The following CDH2 variants were observed in gnomAD, a reference collection of about 807,000 sequenced individuals.
CDH2 encodes cadherin-2.
CDH2 carries 17 observed loss-of-function variants against 92.0 expected under a neutral mutation model. The ratio of observed to expected loss-of-function variants is 0.18; its 90% confidence interval spans 0.13 to 0.28. CDH2 has a LOEUF of 0.28. Ranked by LOEUF, CDH2 falls within the 10% of genes least tolerant of loss-of-function variation. The pLI is 1.00. For missense variants in CDH2, 862 were observed against 1,133.1 expected (o/e 0.76, Z 3.44); for synonymous variants, 419 against 415.9 (o/e 1.01, Z -0.09).
At chr18:27,963,596 A>T (rs2011465655) in intron 14 of CDH2, 75 bp from the exon 15 acceptor site, 1 of 1,353,470 alleles carries the variant, frequency 7.4e-7, no homozygotes, top group Non-Finnish European at 1.0e-6. Flanking sequence ...CTTTTTAAGC[A>T]CATACTCAGA....
At chr18:28,037,456 T>C (rs888683001) in intron 2 of CDH2, among the ~76,000 whole-genome samples, 1 of 152,154 alleles carries the variant, frequency 6.6e-6, no homozygotes, top group African/African-American at 2.4e-5. Flanking sequence ...CACCATATGC[T>C]AAGGTGTTTG....
chr18:27,954,127 TAAAG>T (rs1417769163), intron 15 of CDH2, among the ~76,000 whole-genome samples: 2 of 152,176 alleles, frequency 1.3e-5, no homozygotes, highest in Non-Finnish European at 2.9e-5. Flanking sequence ...TAAAATAAAA[TAAAG>T]CAGGTTTCAG....
At chr18:28,116,383 T>C (rs1227609358) in intron 2 of CDH2, among the ~76,000 whole-genome samples, 2 of 152,204 alleles carry the variant, frequency 1.3e-5, no homozygotes, top group African/African-American at 4.8e-5. Flanking sequence ...TTTTGAATCA[T>C]GTTTTAAATT....
At chr18:28,141,940 C>T (rs894157685) in intron 2 of CDH2, among the ~76,000 whole-genome samples, 8 of 151,488 alleles carry the variant, frequency 5.3e-5, no homozygotes, top group Non-Finnish European at 1.0e-4. Context: ...TCAGTTCTTA[C>T]TCAATGGTAT....
chr18:28,134,885 A>G (rs148258779), intron 2 of CDH2, among the ~76,000 whole-genome samples: 2 of 152,260 alleles, frequency 1.3e-5, no homozygotes, highest in East Asian at 1.9e-4. Flanking sequence ...AACCCAGATA[A>G]GCAAGTGAGT....
At position 27,985,818 on chromosome 18, in the gene CDH2, A is replaced by G. The variant is rs1356961492; in HGVS notation, c.1742-57T>C. ...GAACAGTTCTCTCCAATGAGCCTCA[A>G]TTATGGTGAAATTCTCAAAGCTTCT... is the stretch of plus-strand genomic sequence containing the variant. On this transcript the variant is annotated intron_variant, in intron 11 of 15. Coordinates refer to ENST00000269141, the MANE Select transcript of CDH2 (RefSeq NM_001792.5). 21 of 1,000,504 alleles carry G rather than the reference A, an allele frequency of 2.1e-5. No individual in the cohort carries two copies. The South Asian group carries it at 2.3e-4, about 11-fold the overall frequency. 62.0% of individuals were successfully genotyped at this position (1,000,504 alleles called of 1,614,324 possible).
At chr18:28,134,114 C>G (rs1008658404) in intron 2 of CDH2, among the ~76,000 whole-genome samples, 1 of 116,518 alleles carries the variant, frequency 8.6e-6, no homozygotes, top group Non-Finnish European at 1.6e-5. Context: ...AATGGTGTTA[C>G]TACAGTTCTG....
At chr18:28,166,181 T>TATA (rs1248009930) in intron 1 of CDH2, among the ~76,000 whole-genome samples, 2 of 141,524 alleles carry the variant, frequency 1.4e-5, no homozygotes, top group African/African-American at 2.6e-5. Flanking sequence ...TATGTCTGTA[T>TATA]TTTAATTATG....
intron 15 of CDH2, among the ~76,000 whole-genome samples, chr18:27,955,189 T>G (rs977727839): frequency 1.3e-5 from 2 of 151,986 alleles, no homozygotes; most frequent in Admixed American, 6.6e-5. Flanking sequence ...CCAATCCTTA[T>G]GATGTCAACA....
intron 1 of CDH2, among the ~76,000 whole-genome samples, chr18:28,169,051 A>T (rs1420325991): frequency 6.6e-6 from 1 of 152,142 alleles, no homozygotes; most frequent in Non-Finnish European, 1.5e-5. Flanking sequence ...TATCTCATAG[A>T]GTTACAGAAA....
intron 2 of CDH2, among the ~76,000 whole-genome samples, chr18:28,029,853 G>A (rs916132042): frequency 6.6e-6 from 1 of 152,036 alleles, no homozygotes; most frequent in African/African-American, 2.4e-5. Flanking sequence ...TACTTGTAAA[G>A]GGTCAAGGTA....
chr18:28,058,456 C>T lies in CDH2; in HGVS notation c.173-44547G>A, dbSNP rs530734380. 7.9e-5 allele frequency among the ~76,000 whole-genome samples: 12 copies of T among 152,232 alleles called. No homozygotes were observed. In the East Asian group the frequency reaches 9.7e-4, roughly 12 times the overall value. On this transcript the variant is annotated intron_variant, in intron 2 of 15. Transcript: ENST00000269141. Reference sequence around the variant, plus strand: ...GGTTAAAATGGCCCCTCCAGGCTCACGCAACTGTATACCTATTGAAGACTT... The same window carrying T: ...GGTTAAAATGGCCCCTCCAGGCTCATGCAACTGTATACCTATTGAAGACTT...
intron 2 of CDH2, among the ~76,000 whole-genome samples, chr18:28,137,227 C>A (rs888033822): frequency 6.6e-6 from 1 of 152,104 alleles, no homozygotes; most frequent in Non-Finnish European, 1.5e-5. Context: ...CAGGGAGGAG[C>A]AGCAGAGACT....
intron 1 of CDH2, among the ~76,000 whole-genome samples, chr18:28,163,058 C>G (rs541807999): frequency 2.0e-5 from 3 of 152,256 alleles, no homozygotes; most frequent in South Asian, 4.1e-4. Flanking sequence ...AAGCTACAGA[C>G]AAGTTACAAA....
intron 6 of CDH2, among the ~76,000 whole-genome samples, chr18:27,940,683 T>C (rs971092186): frequency 1.3e-5 from 2 of 152,182 alleles, no homozygotes; most frequent in African/African-American, 2.4e-5. Flanking sequence ...GCATCTTTCC[T>C]AGAGGACTAG....
At chr18:28,005,424 G>A (rs1029815676) in intron 6 of CDH2, among the ~76,000 whole-genome samples, 5 of 152,104 alleles carry the variant, frequency 3.3e-5, no homozygotes, top group Admixed American at 1.3e-4. Flanking sequence ...TCCCAGGAAC[G>A]TCAAGTATCT....
chr18:28,141,578 G>A (rs74474940), intron 2 of CDH2, among the ~76,000 whole-genome samples: 10 of 151,736 alleles, frequency 6.6e-5, no homozygotes, highest in South Asian at 4.2e-4. Context: ...TAATTCCACC[G>A]CTACCACTTT....
intron 2 of CDH2, among the ~76,000 whole-genome samples, chr18:28,030,781 G>C (rs1474147101): frequency 6.6e-6 from 1 of 151,966 alleles, no homozygotes; most frequent in Admixed American, 6.6e-5. Flanking sequence ...TAGTGAGCCT[G>C]AAATTCCCAA....
At position 28,177,081 on chromosome 18, in the gene CDH2, C is replaced by CGGCGGA. The variant is rs1445640526; in HGVS notation, c.-60_-59insTCCGCC. On this transcript the variant is annotated 5_prime_UTR_variant, in exon 1 of 16. Coordinates refer to ENST00000269141, the MANE Select transcript of CDH2 (RefSeq NM_001792.5). ...GAGGCGGCGGCGGCGGCGGCGGCGG[C>CGGCGGA]GGAGGAGGAGGAGGCAGCGGCAGCA... The CGGCGGA allele has an allele frequency of 1.6e-3, 1,678 of 1,053,174 alleles. 15 individuals are homozygous for CGGCGGA. The African/African-American group carries it at 0.026, about 16-fold the overall frequency. The allele number at this position is 1,053,174 out of a possible 1,614,324, so 65.2% of individuals were successfully genotyped here.
Sources: allele counts gnomAD v4.1 joint callset (sites outside exome capture counted in the v4.1 genomes callset), GRCh38; gene constraint gnomAD v4.1.1; transcripts MANE v1.5; gene names NCBI Gene and HGNC (gene_info 2026-07-23, HGNC 2026-07-21).